Variants in EVA1A observed in about 807,000 individuals in gnomAD.
EVA1A encodes protein eva-1 homolog A.
EVA1A carries 7 observed loss-of-function variants against 9.8 expected under a neutral mutation model. The ratio of observed to expected loss-of-function variants is 0.71; its 90% CI spans 0.41 to 1.34. EVA1A has a LOEUF of 1.34. Ranked by LOEUF, EVA1A falls within the 40% of genes most tolerant of loss-of-function variation. EVA1A has a pLI of 0.01. For synonymous variants in EVA1A, 90 were observed against 85.6 expected (o/e 1.05, Z -0.28); for missense variants, 206 against 205.9 (o/e 1.00, Z 0.00).
chr2:75,546,907 C>CAAA (rs751386318), intron 1 of EVA1A, among the ~76,000 whole-genome samples: 4,910 of 66,696 alleles, frequency 0.074, 136 homozygotes, highest in Middle Eastern at 0.23. Context: ...ATCAATAGGC[C>CAAA]AAAAAAAAAA....
At chr2:75,507,916 G>A (rs554579567) in intron 3 of EVA1A, among the ~76,000 whole-genome samples, 5 of 152,218 alleles carry the variant, frequency 3.3e-5, no homozygotes, top group Non-Finnish European at 7.3e-5. Context: ...AGCCATGGCA[G>A]AAGAACATGA....
At chr2:75,519,505 A>G (rs1558679017) in intron 2 of EVA1A, among the ~76,000 whole-genome samples, 1 of 152,328 alleles carries the variant, frequency 6.6e-6, no homozygotes. Context: ...AAACAACCAT[A>G]AAGTCCTTGG....
chr2:75,543,913 A>G (rs371417067), intron 1 of EVA1A, among the ~76,000 whole-genome samples: 2 of 152,264 alleles, frequency 1.3e-5, no homozygotes, highest in African/African-American at 2.4e-5. Context: ...TTCTAACACA[A>G]TGGAGGTCAA....
At chr2:75,503,686 T>G (rs1282227679) in intron 3 of EVA1A, among the ~76,000 whole-genome samples, 1 of 152,186 alleles carries the variant, frequency 6.6e-6, no homozygotes, top group Non-Finnish European at 1.5e-5. Flanking sequence ...AAATATTGCA[T>G]GTTTTCATTT....
chr2:75,541,198 A>G (rs1676105164), intron 1 of EVA1A, among the ~76,000 whole-genome samples: 1 of 152,164 alleles, frequency 6.6e-6, no homozygotes, highest in South Asian at 2.1e-4. Flanking sequence ...ACTGTCAACA[A>G]TCGGCAACCA....
chr2:75,531,813 C>T (rs1558683914), intron 1 of EVA1A, among the ~76,000 whole-genome samples: 1 of 152,072 alleles, frequency 6.6e-6, no homozygotes. Flanking sequence ...GTACAGTATA[C>T]ACTGCTTGGG....
intron 3 of EVA1A, 129 bp downstream of exon 3, chr2:75,517,927 A>T: frequency 9.2e-7 from 1 of 1,081,338 alleles, no homozygotes. Context: ...AAGCTCAGCA[A>T]AGCAGAGCAG....
rs745329073 is a variant in EVA1A, at chr2:75,493,240, T to C, written c.455A>G (p.Tyr152Cys). 6 of 1,610,766 alleles carry C rather than the reference T, an allele frequency of 3.7e-6. No homozygotes were observed. The highest frequency in any genetic ancestry group is 1.7e-4 in the Middle Eastern group (1 of 5,716). The change falls in exon 4 of 4, where the codon TAT becomes TGT. Residue 152 changes from tyrosine (Y) to cysteine (C), a missense_variant. Tyr to Cys is a radical substitution (Grantham distance 194, BLOSUM62 -2). Transcript: ENST00000393913. ...TTTCCGGGGTCCTGCTGCTCCCTAA[T>C]AGTAGCGATTCAGGCTCCTGGTCCC... ...VPGTRSLNRY[Y>C]
chr2:75,544,815 T>G lies in EVA1A; in HGVS notation c.-192+15865A>C, dbSNP rs191273781. 3.2e-3 allele frequency among the ~76,000 whole-genome samples: 485 copies of G among 152,342 alleles called. 5 individuals carry two copies. The highest frequency in any genetic ancestry group is 0.031 in the Middle Eastern group (9 of 294). Reference sequence around the variant, plus strand: ...AAACCAATTCTTCCTATATTTATCTTTCATGTTTCTAGATCATTGAAATCA... The same window carrying G: ...AAACCAATTCTTCCTATATTTATCTGTCATGTTTCTAGATCATTGAAATCA... On this transcript the variant is annotated intron_variant, in intron 1 of 3. Transcript: ENST00000393913.
chr2:75,493,226 C>T lies in EVA1A; in HGVS notation c.*10G>A, dbSNP rs1323881547. 1.2e-6 allele frequency: 2 copies of T among 1,601,346 alleles called. No individual in the cohort carries two copies. The highest frequency in any genetic ancestry group is 1.7e-6 in the Non-Finnish European group (2 of 1,172,976). ...GCGGCCTCCAGTGGTTTCCGGGGTC[C>T]TGCTGCTCCCTAATAGTAGCGATTC... is the stretch of plus-strand genomic sequence containing the variant. On this transcript the variant is annotated 3_prime_UTR_variant, in exon 4 of 4. Transcript: ENST00000393913.
At chr2:75,559,717 T>TGGGGGGGGGGGG (rs1457049048) in intron 1 of EVA1A, among the ~76,000 whole-genome samples, 1 of 52,784 alleles carries the variant, frequency 1.9e-5, no homozygotes, top group Non-Finnish European at 3.6e-5. Flanking sequence ...GCGGGGGAGT[T>TGGGGGGGGGGGG]GGGGGGACGG....
upstream of EVA1A, among the ~76,000 whole-genome samples, chr2:75,565,630 A>C (rs7570595): frequency 0.021 from 3,247 of 152,290 alleles, 120 homozygotes; most frequent in African/African-American, 0.074. Context: ...CCACTATGGC[A>C]CTGCTATTTA....
Position 75,493,448 on chromosome 2 carries a change from C to T in EVA1A, c.247G>A (p.Asp83Asn), listed in dbSNP as rs761924250. The change falls in exon 4 of 4, where the codon GAC becomes AAC. Residue 83 changes from aspartate (D) to asparagine (N), a missense_variant. Coordinates refer to ENST00000393913, the MANE Select transcript of EVA1A (RefSeq NM_001135032.2). ...QDRESSSDSS[D>N]SEDGSEDTVS... ...GTGTCCTCACTGCCATCCTCGCTGT[C>T]GCTGCTGTCGCTGCTGCTCTCTCTG... 5.5e-6 allele frequency: 8 copies of T among 1,466,330 alleles called. No individual in the cohort carries two copies. The highest frequency in any genetic ancestry group is 2.2e-5 in the East Asian group (1 of 44,860). The allele number at this position is 1,466,330 out of a possible 1,614,324, so 90.8% of individuals were successfully genotyped here.
chr2:75,537,883 G>A (rs1192129199), intron 1 of EVA1A, among the ~76,000 whole-genome samples: 1 of 152,196 alleles, frequency 6.6e-6, no homozygotes, highest in East Asian at 1.9e-4. Flanking sequence ...CCAAGCAGAT[G>A]CTGATGCTAT....
At chr2:75,556,823 A>G (rs1384095562) in intron 1 of EVA1A, among the ~76,000 whole-genome samples, 1 of 152,130 alleles carries the variant, frequency 6.6e-6, no homozygotes, top group Non-Finnish European at 1.5e-5. Flanking sequence ...GCGGCTTGCA[A>G]TAGGGTTCAT....
chr2:75,566,523 T>G (rs1677032152), intron 1 of EVA1A, among the ~76,000 whole-genome samples: 1 of 152,226 alleles, frequency 6.6e-6, no homozygotes, highest in Admixed American at 6.5e-5. Context: ...TTCTCTCACC[T>G]TTTTAAATGT....
intron 1 of EVA1A, among the ~76,000 whole-genome samples, chr2:75,543,483 G>C (rs1676211298): frequency 6.6e-6 from 1 of 152,050 alleles, no homozygotes; most frequent in Non-Finnish European, 1.5e-5. Context: ...ACAAGCACAG[G>C]GACCCAGAGG....
intron 1 of EVA1A, among the ~76,000 whole-genome samples, chr2:75,557,129 A>C (rs925108988): frequency 6.6e-6 from 1 of 152,196 alleles, no homozygotes; most frequent in African/African-American, 2.4e-5. Context: ...AAGCAAACTC[A>C]GGGGGATTAC....
At chr2:75,498,519 C>A (rs1447880250) in intron 3 of EVA1A, among the ~76,000 whole-genome samples, 1 of 152,050 alleles carries the variant, frequency 6.6e-6, no homozygotes, top group Non-Finnish European at 1.5e-5. Context: ...AAACAAAAAA[C>A]TAATAAGGGA....
Sources: gnomAD v4.1 joint callset for allele counts (sites outside exome capture counted in the v4.1 genomes callset) on GRCh38, gnomAD v4.1.1 for gene constraint, MANE v1.5 for transcripts, NCBI Gene and HGNC (gene_info 2026-07-23, HGNC 2026-07-21) for gene names.